The following RBFOX1 variants were observed in gnomAD, a reference collection of about 807,000 sequenced individuals.
RBFOX1 encodes the protein RNA binding protein fox-1 homolog 1.
A neutral mutation model predicts 57.7 loss-of-function variants in RBFOX1; 8 were observed. The ratio of observed to expected loss-of-function variants is 0.14; its 90% CI spans 0.08 to 0.25. The LOEUF (loss-of-function observed/expected upper bound fraction) is 0.25. RBFOX1 is among the 10% of genes least tolerant of loss of function. The pLI is 1.00. For missense variants in RBFOX1, 611 were observed against 548.5 expected (o/e 1.11, Z -1.14); for synonymous variants, 326 against 222.4 (o/e 1.47, Z -4.15).
At chr16:5,965,978 G>A (rs149308752) in intron 4 of RBFOX1, among the ~76,000 whole-genome samples, 161 of 152,288 alleles carry the variant, frequency 1.1e-3, no homozygotes, top group African/African-American at 3.4e-3. Context: ...CGGCCAAGGA[G>A]CTGGCATTCT....
intron 14 of RBFOX1, among the ~76,000 whole-genome samples, chr16:7,693,782 A>G (rs116053374): frequency 0.013 from 1,909 of 152,198 alleles, 55 homozygotes; most frequent in African/African-American, 0.044. Flanking sequence ...ATCTTTATGG[A>G]ATATTAGAGG....
intron 4 of RBFOX1, among the ~76,000 whole-genome samples, chr16:7,166,467 A>C (rs563821592): frequency 1.6e-4 from 24 of 152,228 alleles, no homozygotes; most frequent in African/African-American, 5.1e-4. Context: ...GGGAATATGA[A>C]AGAGAAGAAC....
At chr16:6,675,049 G>A (rs192400647) in intron 3 of RBFOX1, among the ~76,000 whole-genome samples, 23 of 152,178 alleles carry the variant, frequency 1.5e-4, no homozygotes, top group Admixed American at 1.3e-4. Flanking sequence ...GGGACTACAG[G>A]TATGTGCCAC....
chr16:7,121,340 A>T (rs964066580), intron 4 of RBFOX1, among the ~76,000 whole-genome samples: 4 of 152,106 alleles, frequency 2.6e-5, no homozygotes, highest in African/African-American at 9.6e-5. Flanking sequence ...ATCACAGATA[A>T]TAGAATTGTC....
chr16:6,004,935 G>A (rs2060667007), intron 4 of RBFOX1, among the ~76,000 whole-genome samples: 1 of 152,190 alleles, frequency 6.6e-6, no homozygotes, highest in Admixed American at 6.5e-5. Flanking sequence ...CACATGCACA[G>A]TCTTGTCTTA....
intron 3 of RBFOX1, among the ~76,000 whole-genome samples, chr16:5,709,103 C>A (rs939537815): frequency 6.6e-6 from 1 of 152,154 alleles, no homozygotes. Context: ...CCTAACCTTG[C>A]TAATGTTGAG....
At chr16:6,692,380 C>G (rs184663206) in intron 3 of RBFOX1, among the ~76,000 whole-genome samples, 3 of 152,094 alleles carry the variant, frequency 2.0e-5, no homozygotes, top group Non-Finnish European at 1.5e-5. Context: ...TCATTTGATA[C>G]CTGGTATCTC....
chr16:5,499,942 G>A (rs1056074677), intron 2 of RBFOX1, among the ~76,000 whole-genome samples: 7 of 152,114 alleles, frequency 4.6e-5, no homozygotes, highest in Admixed American at 1.3e-4. Context: ...TTTTCATTCA[G>A]CAGATATTTA....
rs146352248 is a variant in RBFOX1, at chr16:5,853,877, G to A, written c.319-13426G>A. Reference sequence around the variant, plus strand: ...CTCAAGCAATTGTCCCCCTCCACCCGGCCTCCCAAAGTGCTGAAATTGCAG... The same window carrying A: ...CTCAAGCAATTGTCCCCCTCCACCCAGCCTCCCAAAGTGCTGAAATTGCAG... On this transcript the variant is annotated intron_variant, in intron 3 of 19. Coordinates refer to the RBFOX1 transcript ENST00000641259. Among the ~76,000 whole-genome samples, 186 of 152,142 alleles carry A rather than the reference G, an allele frequency of 1.2e-3. 5 individuals carry two copies. The East Asian group carries it at 0.03, about 24-fold the overall frequency.
intron 3 of RBFOX1, among the ~76,000 whole-genome samples, chr16:7,013,638 G>C (rs1355625916): frequency 6.6e-6 from 1 of 152,178 alleles, no homozygotes; most frequent in East Asian, 1.9e-4. Context: ...GGAGGAGGGA[G>C]GATGCCATTA....
intron 4 of RBFOX1, among the ~76,000 whole-genome samples, chr16:5,900,812 G>A (rs150540557): frequency 1.8e-4 from 28 of 152,228 alleles, no homozygotes; most frequent in Non-Finnish European, 8.8e-5. Flanking sequence ...CACAACCACC[G>A]TCAAGACATC....
At chr16:6,484,175 T>A (rs891299394) in intron 2 of RBFOX1, among the ~76,000 whole-genome samples, 1 of 152,176 alleles carries the variant, frequency 6.6e-6, no homozygotes, top group African/African-American at 2.4e-5. Flanking sequence ...AAAGTCCCAA[T>A]AGGCTAGCCA....
At position 6,695,550 on chromosome 16, in the gene RBFOX1, G is replaced by A. The variant is rs111508918; in HGVS notation, c.-16+40900G>A. 2.9e-3 allele frequency among the ~76,000 whole-genome samples: 441 copies of A among 151,922 alleles called. 3 individuals carry two copies. Among genetic ancestry groups the A allele is most frequent in the African/African-American group, 0.01 (423 of 41,452 alleles). ...CTTGGAGCCCTTAAGTGGCCGACGC[G>A]CCTATTATGAATGTTTCAAGTATGA... On this transcript the variant is annotated intron_variant, in intron 3 of 15. Coordinates refer to ENST00000550418, the MANE Select transcript of RBFOX1 (RefSeq NM_018723.4).
At chr16:5,883,946 G>A (rs2057831434) in intron 4 of RBFOX1, among the ~76,000 whole-genome samples, 1 of 152,168 alleles carries the variant, frequency 6.6e-6, no homozygotes, top group South Asian at 2.1e-4. Context: ...GAGGATAGAT[G>A]GGTAAAAGCC....
At chr16:6,208,547 A>G (rs922274818) in intron 1 of RBFOX1, among the ~76,000 whole-genome samples, 7 of 152,254 alleles carry the variant, frequency 4.6e-5, no homozygotes, top group Admixed American at 2.0e-4. Flanking sequence ...TACAGACACA[A>G]TTCTCTCCCC....
intron 3 of RBFOX1, among the ~76,000 whole-genome samples, chr16:6,876,078 TA>T (rs2061791901): frequency 6.7e-6 from 1 of 149,494 alleles, no homozygotes; most frequent in South Asian, 2.2e-4. Context: ...GGGGCTGAGG[TA>T]GGAGGGTCAC....
chr16:7,048,808 A>G (rs796478635), intron 3 of RBFOX1, among the ~76,000 whole-genome samples: 9 of 152,232 alleles, frequency 5.9e-5, no homozygotes, highest in African/African-American at 2.2e-4. Flanking sequence ...GGTATATTGA[A>G]TATTGTGTTA....
At chr16:6,208,266 AT>A (rs957092205) in intron 1 of RBFOX1, among the ~76,000 whole-genome samples, 11 of 151,540 alleles carry the variant, frequency 7.3e-5, no homozygotes, top group South Asian at 2.1e-4. Flanking sequence ...GGGATATGGA[AT>A]TTTTTTTTAA....
chr16:5,755,537 A>G (rs997948496), intron 3 of RBFOX1, among the ~76,000 whole-genome samples: 9 of 152,236 alleles, frequency 5.9e-5, no homozygotes, highest in Non-Finnish European at 8.8e-5. Context: ...GTTGGTCACA[A>G]AAGACGACCA....
Sources: gnomAD v4.1 joint callset for allele counts (sites outside exome capture counted in the v4.1 genomes callset) on GRCh38, gnomAD v4.1.1 for gene constraint, MANE v1.5 for transcripts, NCBI Gene and HGNC (gene_info 2026-07-23, HGNC 2026-07-21) for gene names.